Variants in TNFRSF9 observed in about 807,000 individuals in gnomAD.
TNFRSF9 encodes the protein TNF receptor superfamily member 9, also known as tumor necrosis factor receptor superfamily member 9.
Under a neutral mutation model 28.8 loss-of-function variants are expected in TNFRSF9, and 16 were observed. The ratio of observed to expected loss-of-function variants is 0.55; its 90% confidence interval spans 0.38 to 0.84. The LOEUF is 0.84. Ranked by LOEUF, TNFRSF9 falls within the 40% of genes least tolerant of loss-of-function variation. TNFRSF9 has a pLI of 0.00. For missense variants in TNFRSF9, 303 were observed against 315.0 expected (o/e 0.96, Z 0.29); for synonymous variants, 131 against 117.0 (o/e 1.12, Z -0.77).
At chr1:7,924,621 C>T (rs1639612035) in intron 7 of TNFRSF9, among the ~76,000 whole-genome samples, 1 of 151,992 alleles carries the variant, frequency 6.6e-6, no homozygotes, top group Non-Finnish European at 1.5e-5. Context: ...AGCAAGACTC[C>T]TCTCAAACAA....
chr1:7,933,041 G>T, intron 7 of TNFRSF9, 121 bp downstream of exon 7: 1 of 1,240,352 alleles, frequency 8.1e-7, no homozygotes, highest in Non-Finnish European at 1.1e-6. Flanking sequence ...AATTGCCCCT[G>T]CGTGATAGCC....
At chr1:7,929,184 CAG>C in intron 7 of TNFRSF9, among the ~76,000 whole-genome samples, 1 of 105,748 alleles carries the variant, frequency 9.5e-6, no homozygotes, top group African/African-American at 3.7e-5. Context: ...TTTTTTGAGA[CAG>C]AGTCTTGCTC....
At chr1:7,932,920 A>T (rs919751327) in intron 7 of TNFRSF9, among the ~76,000 whole-genome samples, 4 of 152,190 alleles carry the variant, frequency 2.6e-5, no homozygotes, top group African/African-American at 7.2e-5. Context: ...GGAGTTGAGC[A>T]GCATTGCTGA....
chr1:7,923,992 C>T (rs1432076879), intron 7 of TNFRSF9, among the ~76,000 whole-genome samples: 2 of 152,070 alleles, frequency 1.3e-5, no homozygotes, highest in South Asian at 2.1e-4. Flanking sequence ...AGTCATACAG[C>T]GTACAACAAC....
intron 7 of TNFRSF9, among the ~76,000 whole-genome samples, chr1:7,928,173 A>T (rs1639681724): frequency 6.6e-6 from 1 of 152,256 alleles, no homozygotes; most frequent in Admixed American, 6.5e-5. Context: ...GCAAGCAAGG[A>T]TGCAGAGAAA....
intron 5 of TNFRSF9, among the ~76,000 whole-genome samples, chr1:7,935,955 C>T (rs1639809640): frequency 6.6e-6 from 1 of 152,176 alleles, no homozygotes; most frequent in African/African-American, 2.4e-5. Flanking sequence ...TGGTAGCTAT[C>T]ATTATCACCA....
chr1:7,938,130 A>C, intron 4 of TNFRSF9, 63 bp downstream of exon 4: 1 of 1,430,792 alleles, frequency 7.0e-7, no homozygotes, highest in Non-Finnish European at 9.3e-7. Context: ...TCAAAGGATC[A>C]AGATCAAAGC....
intron 5 of TNFRSF9, among the ~76,000 whole-genome samples, chr1:7,937,378 T>G (rs1639832029): frequency 6.6e-6 from 1 of 152,098 alleles, no homozygotes; most frequent in Non-Finnish European, 1.5e-5. Context: ...AGGCTGGTTT[T>G]GAACTCCTGG....
intron 7 of TNFRSF9, among the ~76,000 whole-genome samples, chr1:7,929,226 T>C (rs226484): frequency 0.15 from 21,236 of 144,040 alleles, 3,380 homozygotes; most frequent in East Asian, 0.53. Context: ...AAGTGCAGGA[T>C]GCGATATCAG....
intron 6 of TNFRSF9, 28 bp downstream of exon 6, chr1:7,934,985 C>T (rs751771655): frequency 6.2e-7 from 1 of 1,611,876 alleles, no homozygotes. Flanking sequence ...AAGATACGCA[C>T]TTTGGCGTAA....
intron 7 of TNFRSF9, among the ~76,000 whole-genome samples, chr1:7,926,587 A>G (rs2151413839): frequency 6.6e-6 from 1 of 152,366 alleles, no homozygotes; most frequent in Non-Finnish European, 1.5e-5. Context: ...CCTAAAATGT[A>G]TGTGGAAATG....
Position 7,938,217 on chromosome 1 carries a change from G to T in TNFRSF9, c.322C>A (p.Gln108Lys), listed in dbSNP as rs147680622. 1.2e-5 allele frequency: 19 copies of T among 1,598,500 alleles called. No individual in the cohort carries two copies. The highest frequency in any genetic ancestry group is 1.5e-5 in the Non-Finnish European group (18 of 1,173,030). Residue 108 changes from glutamine (Q) to lysine (K), a missense_variant, in exon 4 of 8, where the codon CAA becomes AAA. Coordinates refer to ENST00000377507, the MANE Select transcript of TNFRSF9 (RefSeq NM_001561.6). ...CCTTTTTTTGTCAGTTCTTGACCTT[G>T]TTTACAATCCTGTTCACACATGCTG... ...GCSMCEQDCK[Q>K]GQELTKKGCK...
intron 7 of TNFRSF9, among the ~76,000 whole-genome samples, chr1:7,931,052 A>C (rs1342673486): frequency 7.2e-5 from 11 of 152,216 alleles, no homozygotes; most frequent in Admixed American, 5.9e-4. Flanking sequence ...GCAACCAGGA[A>C]GTGTAAGTTA....
chr1:7,933,851 T>A (rs1639773187), intron 6 of TNFRSF9, among the ~76,000 whole-genome samples: 1 of 151,952 alleles, frequency 6.6e-6, no homozygotes, highest in Non-Finnish European at 1.5e-5. Context: ...ACTCCATCTC[T>A]ACTAAAAATA....
In TNFRSF9 at chr1:7,937,552, T is replaced by C. The variant is rs1639837241; in HGVS notation, c.413+138A>G. 46 of 628,364 alleles carry C rather than the reference T, an allele frequency of 7.3e-5. No homozygotes were observed. The South Asian group carries it at 9.4e-4, about 13-fold the overall frequency. 38.9% of individuals were successfully genotyped at this position (628,364 alleles called of 1,614,324 possible). A position where few individuals can be genotyped will look rare whatever the true frequency, so the allele number is the denominator to read the frequency against. On this transcript the variant is annotated intron_variant, in intron 5 of 7. Coordinates refer to ENST00000377507, the MANE Select transcript of TNFRSF9 (RefSeq NM_001561.6). ...ATTGAGTTGCTACGACCTCACAGTG[T>C]TCCCACGCTGCCTATTAGTATGTTA...
At position 7,920,471 on chromosome 1, in the gene TNFRSF9, G is replaced by T. The variant is rs1424310349; in HGVS notation, c.*364C>A. 2.0e-5 allele frequency: 4 copies of T among 201,374 alleles called. No individual in the cohort carries two copies. Among genetic ancestry groups the T allele is most frequent in the East Asian group, 2.7e-4 (2 of 7,398 alleles). The allele number at this position is 201,374 out of a possible 1,614,324, so 12.5% of individuals were successfully genotyped here. A position where few individuals can be genotyped will look rare whatever the true frequency, so the allele number is the denominator to read the frequency against. On this transcript the variant is annotated 3_prime_UTR_variant, in exon 8 of 8. Transcript: ENST00000377507. The stretch of plus-strand genomic sequence containing the variant: ...ACCAGCCTGTACAACATGGTGAAAT[G>T]CCATCTTTACCAAACAAAAAACAAA...
intron 2 of TNFRSF9, among the ~76,000 whole-genome samples, chr1:7,939,380 A>C (rs1162567947): frequency 6.6e-6 from 1 of 152,100 alleles, no homozygotes; most frequent in Non-Finnish European, 1.5e-5. Flanking sequence ...ATTGTAACAA[A>C]TAAATCAACA....
chr1:7,921,676 T>C (rs1456263540), intron 7 of TNFRSF9: 1 of 151,846 alleles, frequency 6.6e-6, no homozygotes, highest in Non-Finnish European at 1.5e-5. Context: ...TAAAAAAAAT[T>C]ATAATAATAA....
chr1:7,938,422 C>G, intron 3 of TNFRSF9, 92 bp from the exon 4 acceptor site: 3 of 1,332,054 alleles, frequency 2.3e-6, no homozygotes, highest in Non-Finnish European at 3.0e-6. Context: ...ATCATGCTCA[C>G]TCTACTTATA....
Sources: allele counts gnomAD v4.1 joint callset (sites outside exome capture counted in the v4.1 genomes callset), GRCh38; gene constraint gnomAD v4.1.1; transcripts MANE v1.5; gene names NCBI Gene and HGNC (gene_info 2026-07-23, HGNC 2026-07-21).